The following CTR9 variants were observed in gnomAD, a reference collection of about 807,000 sequenced individuals.
CTR9 encodes the protein RNA polymerase-associated protein CTR9 homolog.
Under a neutral mutation model 152.1 loss-of-function variants are expected in CTR9, and 41 were observed. That is an observed-to-expected ratio of 0.27 (90% CI 0.21 to 0.35). The LOEUF is 0.35. Among genes scored for constraint, CTR9 ranks in the 10% least tolerant of loss-of-function variants. The probability of loss-of-function intolerance (pLI) is 1.00; values close to 1 mark genes in which losing one functional copy is unlikely to be tolerated. For missense variants in CTR9, 917 were observed against 1,424.4 expected (o/e 0.64, Z 5.73); for synonymous variants, 476 against 496.2 (o/e 0.96, Z 0.54).
At chr11:10,763,298 G>A (rs1329475035) in intron 7 of CTR9, 133 bp from the exon 8 acceptor site, 12 of 675,880 alleles carry the variant, frequency 1.8e-5, no homozygotes, top group East Asian at 2.7e-5. Flanking sequence ...AACTGTTATA[G>A]CACTGAAAGG....
intron 14 of CTR9, 33 bp downstream of exon 14, chr11:10,768,024 A>G (rs897171881): frequency 6.2e-7 from 1 of 1,613,414 alleles, no homozygotes. Flanking sequence ...AACAAAACTG[A>G]TACTCTACAT....
rs1863032969 is a variant in CTR9, at chr11:10,764,743, A to G, written c.1597+12A>G. On this transcript the variant is annotated intron_variant, in intron 12 of 24. Coordinates refer to ENST00000361367, the MANE Select transcript of CTR9 (RefSeq NM_014633.5). The stretch of plus-strand genomic sequence containing the variant: ...TAATTATGTTGACTGTAAGGATTTT[A>G]AACTTCTTTATGTAATGAAATCCGT... 2 of 1,576,506 alleles carry G rather than the reference A, an allele frequency of 1.3e-6. No individual in the cohort carries two copies. Among genetic ancestry groups the G allele is most frequent in the Middle Eastern group, 1.7e-4 (1 of 5,856 alleles).
chr11:10,774,270 C>T (rs1863195005), intron 22 of CTR9, 101 bp downstream of exon 22: 2 of 1,411,124 alleles, frequency 1.4e-6, no homozygotes, highest in East Asian at 2.4e-5. Context: ...AACACTTGAT[C>T]CAAACAGTGA....
Position 10,756,660 on chromosome 11 carries a change from A to G in CTR9, c.503-89A>G, listed in dbSNP as rs868369042. The G allele has an allele frequency of 1.1e-5, 9 of 812,322 alleles. No homozygotes were observed. The Middle Eastern group carries it at 1.3e-3, about 121-fold the overall frequency. 50.3% of individuals were successfully genotyped at this position (812,322 alleles called of 1,614,324 possible). Reference sequence around the variant, plus strand: ...GTTTTCAAGTATTTCTCACTCAGAGATGTATTTAACTTAGATAAGTTAGTG... The same window carrying G: ...GTTTTCAAGTATTTCTCACTCAGAGGTGTATTTAACTTAGATAAGTTAGTG... On this transcript the variant is annotated intron_variant, in intron 4 of 24. Coordinates refer to ENST00000361367, the MANE Select transcript of CTR9 (RefSeq NM_014633.5).
chr11:10,760,092 A>T, intron 5 of CTR9, 81 bp from the exon 6 acceptor site: 1 of 1,510,402 alleles, frequency 6.6e-7, no homozygotes, highest in Non-Finnish European at 9.1e-7. Context: ...GCAACTCATA[A>T]ATAGAGAATG....
At chr11:10,765,967 G>A (rs1863053019) in intron 12 of CTR9, among the ~76,000 whole-genome samples, 1 of 152,032 alleles carries the variant, frequency 6.6e-6, no homozygotes, top group South Asian at 2.1e-4. Context: ...TTAATTAATG[G>A]AAGAACCCCA....
At chr11:10,763,930 C>A in intron 9 of CTR9, 51 bp downstream of exon 9, 2 of 1,422,822 alleles carry the variant, frequency 1.4e-6, no homozygotes, top group South Asian at 2.6e-5. Flanking sequence ...TGTCCCAAAA[C>A]TCCCATTTCT....
rs1437109733 is a variant in CTR9 at position 10,768,408 on chromosome 11, G to A, written c.2026G>A (p.Ala676Thr). 1 of 1,614,132 alleles carries A rather than the reference G, an allele frequency of 6.2e-7. No individual in the cohort carries two copies. The highest frequency in any genetic ancestry group is 8.5e-7 in the Non-Finnish European group (1 of 1,180,016). ...TGATGTATTTGCCCAAGTAAGAGAA[G>A]CAACAGCAGATATTAGTGATGTGTG... ...ARDVFAQVRE[A>T]TADISDVWLN... is the part of the protein sequence containing the mutation. Residue 676 changes from alanine to threonine, a missense_variant, in exon 16 of 25, where the codon GCA (alanine) becomes ACA (threonine). Transcript: ENST00000361367.
intron 12 of CTR9, 45 bp from the exon 13 acceptor site, chr11:10,766,357 T>C: frequency 1.4e-6 from 2 of 1,401,734 alleles, no homozygotes; most frequent in Non-Finnish European, 2.0e-6. Context: ...TATGATCCTT[T>C]ATAGCTAATA....
intron 1 of CTR9, among the ~76,000 whole-genome samples, chr11:10,752,390 G>C (rs1473534459): frequency 6.6e-6 from 1 of 152,106 alleles, no homozygotes. Flanking sequence ...GTAGGATTTT[G>C]TTTTGTTATT....
rs193269093 is a variant in CTR9 at position 10,771,476 on chromosome 11, A to G, written c.2373-69A>G. On this transcript the variant is annotated intron_variant, in intron 18 of 24. Transcript: ENST00000361367. The stretch of plus-strand genomic sequence containing the variant: ...TCTCAGACTTTGTAGCACAGATTAA[A>G]TTTTTTAAGAGCTTTATTTCATTAG... 4.6e-5 allele frequency: 55 copies of G among 1,202,238 alleles called. No individual in the cohort carries two copies. In the East Asian group the frequency reaches 1.3e-3, roughly 28 times the overall value. 74.5% of individuals were successfully genotyped at this position (1,202,238 alleles called of 1,614,324 possible). A position where few individuals can be genotyped will look rare whatever the true frequency, so the allele number is the denominator to read the frequency against.
At chr11:10,756,376 G>A (rs1443499911) in intron 4 of CTR9, among the ~76,000 whole-genome samples, 1 of 152,090 alleles carries the variant, frequency 6.6e-6, no homozygotes, top group African/African-American at 2.4e-5. Flanking sequence ...GTACCTATTA[G>A]TTATTTTTCC....
intron 5 of CTR9, 127 bp from the exon 6 acceptor site, chr11:10,760,046 T>C: frequency 5.3e-6 from 5 of 950,160 alleles, no homozygotes; most frequent in African/African-American, 1.6e-5. Context: ...AAAGATTCTG[T>C]AGTGTAGTTA....
At position 10,773,258 on chromosome 11, in the gene CTR9, T is replaced by G. The variant is rs1325378584; in HGVS notation, c.2712T>G (p.Gly904=). The G allele has an allele frequency of 6.2e-7, 1 of 1,610,762 alleles. No individual in the cohort carries two copies. The highest frequency in any genetic ancestry group is 1.1e-5 in the South Asian group (1 of 90,368). Reference sequence around the variant, plus strand: ...AAGCAACAAAAGAGAAGAAAAGAGGTGGTGGTGGTGGACGGGTAAGATATA... The same window carrying G: ...AAGCAACAAAAGAGAAGAAAAGAGGGGGTGGTGGTGGACGGGTAAGATATA... ...ETEATKEKKR[G]GGGGRRSKKG... Residue 904 remains glycine (G), a synonymous_variant, in exon 21 of 25, where the codon GGT becomes GGG. Coordinates refer to ENST00000361367, the MANE Select transcript of CTR9 (RefSeq NM_014633.5).
In CTR9 at chr11:10,760,318, A is replaced by G. The variant is rs1478114498; in HGVS notation, c.738A>G (p.Lys246=). ...VGLAVLELNN[K]EADSIKNGVQ... ...TGGCTGTTCTAGAACTCAACAATAA[A>G]GAGGTATGTAAATGAAAAAAGTATC... Residue 246 remains lysine (K), a synonymous_variant, in exon 6 of 25, where the codon AAA becomes AAG. Coordinates refer to ENST00000361367, the MANE Select transcript of CTR9 (RefSeq NM_014633.5). 3.1e-6 allele frequency: 5 copies of G among 1,611,960 alleles called. No homozygotes were observed. The highest frequency in any genetic ancestry group is 3.3e-5 in the Admixed American group (2 of 59,796).
chr11:10,758,842 G>A (rs897996644), intron 5 of CTR9, among the ~76,000 whole-genome samples: 3 of 152,040 alleles, frequency 2.0e-5, no homozygotes, highest in Non-Finnish European at 2.9e-5. Flanking sequence ...ATAGGCACCT[G>A]GTGTTATATT....
chr11:10,762,088 G>T, intron 7 of CTR9, 34 bp downstream of exon 7: 1 of 1,338,418 alleles, frequency 7.5e-7, no homozygotes, highest in Non-Finnish European at 1.0e-6. Context: ...TCTGATTTTT[G>T]TTTTTCTGTA....
intron 24 of CTR9, among the ~76,000 whole-genome samples, chr11:10,777,019 T>C (rs1398940410): frequency 1.4e-5 from 2 of 144,888 alleles, no homozygotes; most frequent in Admixed American, 7.1e-5. Flanking sequence ...GTTGGATTAA[T>C]GTATCATGTA....
rs115429110 is a variant in CTR9, at chr11:10,753,083, A to C, written c.144+313A>C. Among the ~76,000 whole-genome samples, 1,161 of 152,326 alleles carry C rather than the reference A, an allele frequency of 7.6e-3. 17 individuals carry two copies. The highest frequency in any genetic ancestry group is 0.027 in the African/African-American group (1,109 of 41,568). ...TTTATAGATAAGCTGAAAAGAAGCG[A>C]AGTGCTTCTGTGTGAACATTGCTGC... On this transcript the variant is annotated intron_variant, in intron 2 of 24. Transcript: ENST00000361367.
Sources: allele counts gnomAD v4.1 joint callset (sites outside exome capture counted in the v4.1 genomes callset), GRCh38; gene constraint gnomAD v4.1.1; transcripts MANE v1.5; gene names NCBI Gene and HGNC (gene_info 2026-07-23, HGNC 2026-07-21).